Variants in NEO1 observed in about 807,000 individuals in gnomAD.
NEO1 encodes neogenin.
In NEO1, 63 loss-of-function variants were observed where a neutral mutation model predicts 159.7. That is an observed-to-expected ratio of 0.39 (90% confidence interval 0.32 to 0.49). The LOEUF is 0.49. Ranked by LOEUF, NEO1 falls within the 20% of genes least tolerant of loss-of-function variation. The probability of loss-of-function intolerance (pLI) is 0.85; values close to 1 mark genes in which losing one functional copy is unlikely to be tolerated. For synonymous variants in NEO1, 633 were observed against 662.0 expected, an observed-to-expected ratio of 0.96 and a Z score of 0.67; for missense variants, 1,615 against 1,831.0, an observed-to-expected ratio of 0.88 and a Z score of 2.15.
Position 73,260,317 on chromosome 15 carries a change from C to T in NEO1, c.2250C>T (p.Leu750=), listed in dbSNP as rs1408214970. 10 of 1,613,936 alleles carry T rather than the reference C, an allele frequency of 6.2e-6. No homozygotes were observed. Among genetic ancestry groups the T allele is most frequent in the Admixed American group, 3.3e-5 (2 of 60,008 alleles). Residue 750 remains leucine, a synonymous_variant, in exon 15 of 29, where the codon CTC becomes CTT. Transcript: ENST00000261908. ...EVPSSLHVRP[L]VTSIVVSWTP... ...CTAGCTCTCTTCACGTACGCCCGCTCGTTACTAGCATCGTAGTGAGCTGGA... is the reference window on the plus strand; with the variant it reads ...CTAGCTCTCTTCACGTACGCCCGCTTGTTACTAGCATCGTAGTGAGCTGGA...
Position 73,288,963 on chromosome 15 carries a change from C to CA in NEO1, c.3650-182dup, listed in dbSNP as rs1312064683. On this transcript the variant is annotated intron_variant, in intron 24 of 28. Coordinates refer to ENST00000261908, the MANE Select transcript of NEO1 (RefSeq NM_002499.4). ...CAGCATTGTGACATCCACATTGATT[C>CA]AGCAGGAACTCTTGTAATGCTCTAA... 12 of 593,418 alleles carry CA rather than the reference C, an allele frequency of 2.0e-5. No homozygotes were observed. In the African/African-American group the frequency reaches 2.2e-4, roughly 11 times the overall value. The allele number at this position is 593,418 out of a possible 1,614,324, so 36.8% of individuals were successfully genotyped here. A position where few individuals can be genotyped will look rare whatever the true frequency, so the allele number is the denominator to read the frequency against.
upstream of NEO1, among the ~76,000 whole-genome samples, chr15:73,052,297 C>CCCCCCGCCCCCGCCCCCG (rs528003048): frequency 1.4e-5 from 2 of 138,964 alleles, no homozygotes; most frequent in Non-Finnish European, 3.1e-5. Context: ...GGGACTCCCG[C>CCCCCCGCCCCCGCCCCCG]CCCCCGCCCC....
chr15:73,281,266 T>TC (rs398078300), intron 22 of NEO1, among the ~76,000 whole-genome samples: 1 of 148,496 alleles, frequency 6.7e-6, no homozygotes, highest in Non-Finnish European at 1.5e-5. Flanking sequence ...AGGAGATTTT[T>TC]TCCCCCCTAG....
chr15:73,145,290 C>T (rs1425792849), intron 5 of NEO1, among the ~76,000 whole-genome samples: 1 of 152,058 alleles, frequency 6.6e-6, no homozygotes, highest in Non-Finnish European at 1.5e-5. Context: ...AAAATAATAA[C>T]CTACTCTTGG....
At chr15:73,283,939 G>A (rs1373635461) in intron 23 of NEO1, among the ~76,000 whole-genome samples, 1 of 152,172 alleles carries the variant, frequency 6.6e-6, no homozygotes, top group Non-Finnish European at 1.5e-5. Flanking sequence ...TTAATGAACA[G>A]GAAAGGATCA....
chr15:73,281,454 A>G (rs1369132084), intron 22 of NEO1, among the ~76,000 whole-genome samples: 1 of 151,874 alleles, frequency 6.6e-6, no homozygotes, highest in Non-Finnish European at 1.5e-5. Context: ...ACGAGGTTTC[A>G]CCATGTTAGC....
At chr15:73,173,396 A>G (rs2035091339) in intron 5 of NEO1, among the ~76,000 whole-genome samples, 1 of 152,188 alleles carries the variant, frequency 6.6e-6, no homozygotes, top group African/African-American at 2.4e-5. Flanking sequence ...GATGAAACCA[A>G]TTAGTGTCCT....
At chr15:73,223,453 T>A (rs2038402728) in intron 7 of NEO1, among the ~76,000 whole-genome samples, 1 of 152,190 alleles carries the variant, frequency 6.6e-6, no homozygotes, top group Non-Finnish European at 1.5e-5. Flanking sequence ...TTTTATAAAT[T>A]TGGGAGCTCC....
intron 7 of NEO1, among the ~76,000 whole-genome samples, chr15:73,207,361 A>G (rs940539237): frequency 3.3e-5 from 5 of 152,216 alleles, no homozygotes; most frequent in African/African-American, 7.2e-5. Flanking sequence ...GAGCTAGGAT[A>G]TGAACCCAAA....
chr15:73,065,474 TG>T (rs1396043311), intron 1 of NEO1, among the ~76,000 whole-genome samples: 2 of 152,216 alleles, frequency 1.3e-5, no homozygotes, highest in African/African-American at 4.8e-5. Context: ...GGGTGCTGGA[TG>T]TAGAATTCTA....
At chr15:73,176,341 A>T (rs2035278897) in intron 5 of NEO1, 62 bp from the exon 6 acceptor site, 1 of 1,119,670 alleles carries the variant, frequency 8.9e-7, no homozygotes, top group African/African-American at 1.6e-5. Context: ...AAATTGGTTG[A>T]AATATGAATA....
Position 73,267,373 on chromosome 15 carries a change from T to C in NEO1, c.2494+962T>C, listed in dbSNP as rs555131130. ...GAAAGAGAAAGTTTATTGAATATGT[T>C]AGAGTTATAAATTTTTTTTCTTTTT... On this transcript the variant is annotated intron_variant, in intron 16 of 28. Coordinates refer to ENST00000261908, the MANE Select transcript of NEO1 (RefSeq NM_002499.4). 3.1e-3 allele frequency among the ~76,000 whole-genome samples: 473 copies of C among 152,358 alleles called. 2 individuals carry two copies. The highest frequency in any genetic ancestry group is 0.011 in the African/African-American group (450 of 41,588).
chr15:73,079,748 C>T (rs1296781428), intron 1 of NEO1, among the ~76,000 whole-genome samples: 1 of 152,070 alleles, frequency 6.6e-6, no homozygotes, highest in Non-Finnish European at 1.5e-5. Flanking sequence ...GAATAAATTT[C>T]CTGGGCGGAA....
intron 26 of NEO1, among the ~76,000 whole-genome samples, chr15:73,296,398 A>T (rs758784749): frequency 6.6e-6 from 1 of 152,056 alleles, no homozygotes; most frequent in Non-Finnish European, 1.5e-5. Flanking sequence ...GCCTAAGAAG[A>T]TCCTCAGCAC....
At chr15:73,283,250 G>A in intron 23 of NEO1, 139 bp downstream of exon 23, 5 of 1,055,270 alleles carry the variant, frequency 4.7e-6, no homozygotes, top group Non-Finnish European at 6.8e-6. Flanking sequence ...AAAAGAAAAT[G>A]GGAAGTGGTT....
chr15:73,138,479 G>A lies in NEO1; in HGVS notation c.1015+2452G>A, dbSNP rs562781237. 9.2e-5 allele frequency among the ~76,000 whole-genome samples: 14 copies of A among 151,426 alleles called. 1 individual carries two copies. The South Asian group carries it at 2.7e-3, about 29-fold the overall frequency. The stretch of plus-strand genomic sequence containing the variant: ...TTTTAAAACAAAGGGGGAGTTGGCC[G>A]GGCGCGGTGGCTCGCGCCTGTAATC... On this transcript the variant is annotated intron_variant, in intron 5 of 28. Transcript: ENST00000261908.
chr15:73,291,178 C>G (rs2042151103), intron 25 of NEO1, among the ~76,000 whole-genome samples: 1 of 152,086 alleles, frequency 6.6e-6, no homozygotes, highest in Non-Finnish European at 1.5e-5. Context: ...TTAATCCATC[C>G]CAGTTGCTTC....
intron 13 of NEO1, among the ~76,000 whole-genome samples, chr15:73,258,122 G>A (rs984678771): frequency 1.6e-4 from 25 of 152,144 alleles, no homozygotes; most frequent in African/African-American, 4.3e-4. Context: ...TGTTTGTTGC[G>A]TTTGATACAT....
chr15:73,120,630 A>C (rs981939666), intron 2 of NEO1, among the ~76,000 whole-genome samples: 19 of 144,160 alleles, frequency 1.3e-4, no homozygotes, highest in Non-Finnish European at 2.0e-4. Context: ...TATTTTAAGT[A>C]CTTTTTTTTT....
Sources: gnomAD v4.1 joint callset for allele counts (sites outside exome capture counted in the v4.1 genomes callset) on GRCh38, gnomAD v4.1.1 for gene constraint, MANE v1.5 for transcripts, NCBI Gene and HGNC (gene_info 2026-07-23, HGNC 2026-07-21) for gene names.